Variants in CNKSR2 observed in about 807,000 individuals in gnomAD.
CNKSR2 encodes connector enhancer of kinase suppressor of Ras 2, also known as CNK homolog protein 2.
In CNKSR2, 14 loss-of-function variants were observed where a neutral mutation model predicts 84.4. That is an observed-to-expected ratio of 0.17 (90% CI 0.11 to 0.26). The LOEUF (loss-of-function observed/expected upper bound fraction) is 0.26, where lower values mean the gene tolerates loss of function less well. Ranked by LOEUF, CNKSR2 falls within the 10% of genes least tolerant of loss-of-function variation. CNKSR2 has a pLI of 1.00. For missense variants in CNKSR2, 485 were observed against 771.2 expected, an observed-to-expected ratio of 0.63 and a Z score of 4.40; for synonymous variants, 275 against 277.9, an observed-to-expected ratio of 0.99 and a Z score of 0.10.
intron 4 of CNKSR2, among the ~76,000 whole-genome samples, chrX:21,451,887 A>G (rs754602772): frequency 9.0e-6 from 1 of 111,640 alleles, no homozygotes; most frequent in South Asian, 3.8e-4. Flanking sequence ...TAAAATATGT[A>G]AAGCTAGTAG....
intron 5 of CNKSR2, among the ~76,000 whole-genome samples, chrX:21,482,611 A>G (rs1026779073): frequency 8.9e-6 from 1 of 112,157 alleles, no homozygotes; most frequent in Admixed American, 9.5e-5. Context: ...TGACTTACTA[A>G]TTTTAACGCA....
At chrX:21,404,653 G>A (rs2090238093) in intron 1 of CNKSR2, among the ~76,000 whole-genome samples, 2 of 108,000 alleles carry the variant, frequency 1.9e-5, no homozygotes, top group Admixed American at 2.0e-4. Flanking sequence ...GTCGGGCATG[G>A]TGATGCGTGT....
chrX:21,516,589 A>G lies in CNKSR2; in HGVS notation c.915A>G (p.Pro305=), dbSNP rs938644864. 15 of 1,209,754 alleles carry G rather than the reference A, an allele frequency of 1.2e-5. No homozygotes were observed. The highest frequency in any genetic ancestry group is 1.3e-5 in the Non-Finnish European group (12 of 894,200). The part of the protein sequence containing the change: ...KRPQSMLTSA[P]ALLKNMRWKP... ...CTCAGAGCATGCTTACCTCAGCACC[A>G]GCTTTACTGAAAAATATGAGATGGA... Residue 305 remains proline (P), a synonymous_variant, in exon 9 of 22, where the codon CCA becomes CCG. Transcript: ENST00000379510.
chrX:21,418,944 C>G (rs2090458698), intron 1 of CNKSR2, among the ~76,000 whole-genome samples: 1 of 111,051 alleles, frequency 9.0e-6, no homozygotes, highest in African/African-American at 3.3e-5. Flanking sequence ...ATGTATTTCT[C>G]TAGGTTTGGG....
chrX:21,585,721 A>G (rs1489913119), intron 13 of CNKSR2, among the ~76,000 whole-genome samples: 1 of 111,478 alleles, frequency 9.0e-6, no homozygotes, highest in Non-Finnish European at 1.9e-5. Flanking sequence ...TAGTGGTATG[A>G]ATTCTTAAGT....
intron 1 of CNKSR2, among the ~76,000 whole-genome samples, chrX:21,399,421 C>T (rs1024408796): frequency 4.5e-5 from 5 of 111,413 alleles, no homozygotes; most frequent in African/African-American, 3.3e-5. Context: ...TCAGTAGTCC[C>T]TCTATCTTTG....
chrX:21,384,294 G>T (rs1250688988), intron 1 of CNKSR2, among the ~76,000 whole-genome samples: 3 of 111,437 alleles, frequency 2.7e-5, no homozygotes, highest in Non-Finnish European at 5.7e-5. Flanking sequence ...GTGTCAGGAT[G>T]AGCTTTGTGG....
At chrX:21,573,438 C>A (rs2092297732) in intron 13 of CNKSR2, among the ~76,000 whole-genome samples, 1 of 112,371 alleles carries the variant, frequency 8.9e-6, no homozygotes, top group African/African-American at 3.2e-5. Flanking sequence ...CTGCACTGCC[C>A]TAGCAGAGGT....
In CNKSR2 at chrX:21,547,795, C is replaced by A. The variant is rs1042495905; in HGVS notation, c.1304-13676C>A. On this transcript the variant is annotated intron_variant, in intron 11 of 21. Transcript: ENST00000379510. Reference sequence around the variant, plus strand: ...GAAACTCACTAAAACTGCACAACAACATGGAAACTGAACAACCTGCTCCTG... The same window carrying A: ...GAAACTCACTAAAACTGCACAACAAAATGGAAACTGAACAACCTGCTCCTG... Among the ~76,000 whole-genome samples the A allele has an allele frequency of 4.5e-5, 5 of 112,252 alleles. No individual in the cohort carries two copies. The South Asian group carries it at 1.8e-3, about 41-fold the overall frequency.
chrX:21,644,132 C>T (rs1431312147), intron 20 of CNKSR2: 2 of 111,600 alleles, frequency 1.8e-5, no homozygotes, highest in African/African-American at 3.3e-5. Context: ...ATCATTAGCC[C>T]GGAAGCCTTA....
intron 4 of CNKSR2, 80 bp from the exon 5 acceptor site, chrX:21,470,686 T>C (rs929819646): frequency 4.0e-6 from 2 of 495,316 alleles, no homozygotes; most frequent in Non-Finnish European, 6.5e-6. Flanking sequence ...CTTTTAAAAT[T>C]ATAGTATAAT....
intron 1 of CNKSR2, among the ~76,000 whole-genome samples, chrX:21,381,470 T>C (rs1387917433): frequency 8.9e-6 from 1 of 112,305 alleles, no homozygotes; most frequent in Non-Finnish European, 1.9e-5. Flanking sequence ...GAGGTCATGA[T>C]AATTGTAGCA....
chrX:21,652,192 G>C (rs983530573), intron 21 of CNKSR2, 114 bp from the exon 22 acceptor site: 7 of 556,149 alleles, frequency 1.3e-5, no homozygotes, highest in African/African-American at 2.3e-5. Context: ...GTGGGTGTGA[G>C]TATCCAAAGC....
intron 1 of CNKSR2, among the ~76,000 whole-genome samples, chrX:21,408,587 C>T (rs911176327): frequency 1.8e-5 from 2 of 110,953 alleles, no homozygotes; most frequent in Middle Eastern, 4.2e-3. Flanking sequence ...CTTATCTAAC[C>T]TCCCCCAACC....
At chrX:21,509,318 G>T (rs1445673201) in intron 8 of CNKSR2, among the ~76,000 whole-genome samples, 1 of 111,789 alleles carries the variant, frequency 8.9e-6, no homozygotes, top group Non-Finnish European at 1.9e-5. Context: ...GTGAGATGAA[G>T]AATGGCTCAA....
At chrX:21,585,990 C>G (rs1431521575) in intron 13 of CNKSR2, among the ~76,000 whole-genome samples, 1 of 111,354 alleles carries the variant, frequency 9.0e-6, no homozygotes, top group Admixed American at 9.6e-5. Context: ...CACACTCACC[C>G]TACCCTAAAC....
chrX:21,430,441 A>C (rs2147063298), intron 2 of CNKSR2, among the ~76,000 whole-genome samples: 1 of 111,757 alleles, frequency 8.9e-6, no homozygotes, highest in Non-Finnish European at 1.9e-5. Flanking sequence ...AATTTAAAAT[A>C]ATCTTTTATG....
At chrX:21,415,971 G>T (rs2090416990) in intron 1 of CNKSR2, among the ~76,000 whole-genome samples, 1 of 109,413 alleles carries the variant, frequency 9.1e-6, no homozygotes, top group African/African-American at 3.3e-5. Flanking sequence ...AGGACTTCCA[G>T]TACTATGTTG....
rs1470715481 is a variant in CNKSR2 at position 21,619,515 on chromosome X, T to C, written c.2692+9898T>C. Among the ~76,000 whole-genome samples, 3 of 111,940 alleles carry C rather than the reference T, an allele frequency of 2.7e-5. No homozygotes were observed. In the South Asian group the frequency reaches 1.1e-3, roughly 41 times the overall value. On this transcript the variant is annotated intron_variant, in intron 20 of 21. Coordinates refer to ENST00000379510, the MANE Select transcript of CNKSR2 (RefSeq NM_014927.5). Reference sequence around the variant, plus strand: ...TTACTTTTACTGCACTATTTCTCTTTTGATAAATCATCCGTAGAATGTATT... The same window carrying C: ...TTACTTTTACTGCACTATTTCTCTTCTGATAAATCATCCGTAGAATGTATT...
Sources: allele counts gnomAD v4.1 joint callset (sites outside exome capture counted in the v4.1 genomes callset), GRCh38; gene constraint gnomAD v4.1.1; transcripts MANE v1.5; gene names NCBI Gene and HGNC (gene_info 2026-07-23, HGNC 2026-07-21).